Variants in EDA observed in about 807,000 individuals in gnomAD.
EDA encodes ectodysplasin A.
In EDA, 2 loss-of-function variants were observed where a neutral mutation model predicts 23.6. That is an observed-to-expected ratio of 0.08 (90% CI 0.03 to 0.27). The LOEUF (loss-of-function observed/expected upper bound fraction) is 0.27, where lower values mean the gene tolerates loss of function less well. Ranked by LOEUF, EDA falls within the 10% of genes least tolerant of loss-of-function variation. The pLI, the probability that EDA is intolerant of heterozygous loss-of-function variation, is 1.00. For missense variants in EDA, 229 were observed against 324.2 expected, an observed-to-expected ratio of 0.71 and a Z score of 2.26; for synonymous variants, 131 against 132.0, an observed-to-expected ratio of 0.99 and a Z score of 0.05.
At chrX:69,650,609 TTTGAGGTGATGAATATC>T (rs1366421856) in intron 1 of EDA, among the ~76,000 whole-genome samples, 2 of 112,077 alleles carry the variant, frequency 1.8e-5, no homozygotes, top group African/African-American at 6.5e-5. Context: ...ATGATAAATG[TTTGAGGTGATGAATATC>T]TTAATTACCC....
At chrX:69,709,145 AG>A (rs996097995) in intron 1 of EDA, among the ~76,000 whole-genome samples, 4 of 111,803 alleles carry the variant, frequency 3.6e-5, no homozygotes, top group Non-Finnish European at 5.7e-5. Context: ...TTTAATTGTA[AG>A]TTTGGACCTT....
intron 1 of EDA, among the ~76,000 whole-genome samples, chrX:69,882,987 C>T (rs2017772680): frequency 8.9e-6 from 1 of 112,443 alleles, no homozygotes; most frequent in Non-Finnish European, 1.9e-5. Context: ...GGATTACAGG[C>T]GTGAGCCACT....
At chrX:69,893,192 C>T (rs1167604589) in intron 1 of EDA, among the ~76,000 whole-genome samples, 1 of 111,004 alleles carries the variant, frequency 9.0e-6, no homozygotes, top group Non-Finnish European at 1.9e-5. Context: ...CCTTAATCTT[C>T]ATATCACTTT....
Position 69,763,452 on chromosome X carries a change from A to G in EDA, c.396+146748A>G, listed in dbSNP as rs936914363. On this transcript the variant is annotated intron_variant, in intron 1 of 7. Coordinates refer to ENST00000374552, the MANE Select transcript of EDA (RefSeq NM_001399.5). The stretch of plus-strand genomic sequence containing the variant: ...GGAGCAAATGGTATGCTCTCTAAAG[A>G]TAATCAGATTTATCAGTTCAAAAAT... 3.6e-5 allele frequency among the ~76,000 whole-genome samples: 4 copies of G among 112,329 alleles called. No individual in the cohort carries two copies. In the South Asian group the frequency reaches 1.1e-3, roughly 31 times the overall value.
In EDA at chrX:69,722,048, A is replaced by G. The variant is rs1214151880; in HGVS notation, c.396+105344A>G. On this transcript the variant is annotated intron_variant, in intron 1 of 7. Transcript: ENST00000374552. Reference sequence around the variant, plus strand: ...TCATTATTCACAATTCTGTGTAGATATTAGTTTGGAAATCTTAGTGTAAGA... The same window carrying G: ...TCATTATTCACAATTCTGTGTAGATGTTAGTTTGGAAATCTTAGTGTAAGA... Among the ~76,000 whole-genome samples the G allele has an allele frequency of 2.7e-5, 3 of 109,969 alleles. No homozygotes were observed. In the East Asian group the frequency reaches 8.7e-4, roughly 32 times the overall value.
chrX:69,788,120 C>T (rs1041642879), intron 1 of EDA, among the ~76,000 whole-genome samples: 8 of 111,363 alleles, frequency 7.2e-5, no homozygotes, highest in South Asian at 3.8e-4. Flanking sequence ...ACATAGTTCT[C>T]GAGCCTTGGT....
chrX:69,949,291 C>G (rs973886200), intron 1 of EDA, among the ~76,000 whole-genome samples: 9 of 111,570 alleles, frequency 8.1e-5, no homozygotes, highest in Admixed American at 7.6e-4. Flanking sequence ...ATGCAAGACC[C>G]CTATTTTACC....
At chrX:69,925,862 C>T (rs1367282964) in intron 1 of EDA, among the ~76,000 whole-genome samples, 5 of 96,310 alleles carry the variant, frequency 5.2e-5, no homozygotes, top group Admixed American at 1.2e-4. Flanking sequence ...TTCAGGGATT[C>T]GATTTCTTCC....
At chrX:70,030,602 G>T in intron 6 of EDA, 82 bp downstream of exon 6, 1 of 906,810 alleles carries the variant, frequency 1.1e-6, no homozygotes, top group Non-Finnish European at 1.6e-6. Context: ...ACCCAGCCTA[G>T]TTCCTCCCAG....
intron 2 of EDA, among the ~76,000 whole-genome samples, chrX:69,987,025 C>G (rs1480936701): frequency 2.5e-5 from 2 of 79,395 alleles, no homozygotes; most frequent in Admixed American, 1.5e-4. Context: ...ATCGCAAGAA[C>G]AAAAAACCAA....
At chrX:69,641,420 A>G (rs1932837830) in intron 1 of EDA, among the ~76,000 whole-genome samples, 1 of 111,672 alleles carries the variant, frequency 9.0e-6, no homozygotes, top group African/African-American at 3.3e-5. Flanking sequence ...TAATTTGTGT[A>G]TATACATACA....
In EDA at chrX:69,928,104, T is replaced by G. The variant is rs145631356; in HGVS notation, c.397-28923T>G. ...TAGATGCCATTAATTTAGAGGTAAG[T>G]GGCATGCTTTAACCCTTTTGTACAT... On this transcript the variant is annotated intron_variant, in intron 1 of 7. Transcript: ENST00000374552. Among the ~76,000 whole-genome samples the G allele has an allele frequency of 1.3e-3, 141 of 111,414 alleles. 2 individuals are homozygous for G. In the East Asian group the frequency reaches 0.031, roughly 24 times the overall value.
intron 1 of EDA, among the ~76,000 whole-genome samples, chrX:69,734,138 TTATC>T (rs1221072416): frequency 8.9e-6 from 1 of 111,811 alleles, no homozygotes; most frequent in Non-Finnish European, 1.9e-5. Context: ...ATTATTCAGA[TTATC>T]TATTTTTTTC....
At chrX:69,909,292 GTTTGT>G (rs763459265) in intron 1 of EDA, among the ~76,000 whole-genome samples, 1 of 111,323 alleles carries the variant, frequency 9.0e-6, no homozygotes, top group African/African-American at 3.3e-5. Flanking sequence ...TTGTTGGTTG[GTTTGT>G]TTTGTTTTGT....
chrX:69,860,839 T>C, intron 1 of EDA: 1 of 523,393 alleles, frequency 1.9e-6, no homozygotes, highest in Non-Finnish European at 3.5e-6. Context: ...TTGGTTCTAT[T>C]CTCCCCATCT....
chrX:69,867,952 A>G (rs1203927830), intron 1 of EDA, among the ~76,000 whole-genome samples: 1 of 111,965 alleles, frequency 8.9e-6, no homozygotes, highest in African/African-American at 3.2e-5. Flanking sequence ...CCAGTTCATG[A>G]TAGGCAGTTC....
intron 3 of EDA, among the ~76,000 whole-genome samples, chrX:70,027,103 C>G (rs1033737793): frequency 2.7e-5 from 3 of 112,097 alleles, no homozygotes; most frequent in Non-Finnish European, 3.8e-5. Context: ...AACAATAGCC[C>G]TTTCTAAAAA....
At chrX:69,913,416 G>A (rs183393962) in intron 1 of EDA, among the ~76,000 whole-genome samples, 29 of 112,239 alleles carry the variant, frequency 2.6e-4, no homozygotes, top group East Asian at 1.4e-3. Flanking sequence ...TCCTTAAGCC[G>A]CAAGAACCAA....
At chrX:69,617,675 G>A (rs1932028889) in intron 1 of EDA, 1 of 323,883 alleles carries the variant, frequency 3.1e-6, no homozygotes, top group African/African-American at 2.6e-5. Context: ...CTTAGGAGAA[G>A]CATCCAAGGA....
Sources: gnomAD v4.1 joint callset for allele counts (sites outside exome capture counted in the v4.1 genomes callset) on GRCh38, gnomAD v4.1.1 for gene constraint, MANE v1.5 for transcripts, NCBI Gene and HGNC (gene_info 2026-07-23, HGNC 2026-07-21) for gene names.